UNC5C: variants seen among roughly 807,000 people sequenced by gnomAD.
UNC5C encodes unc-5 netrin receptor C.
A neutral mutation model predicts 99.8 loss-of-function variants in UNC5C; 47 were observed. That is an observed-to-expected ratio of 0.47 (90% CI 0.37 to 0.60). The LOEUF is 0.60. UNC5C is among the 20% of genes least tolerant of loss of function. UNC5C has a pLI of 0.00. For missense variants in UNC5C, 1,062 were observed against 1,165.9 expected, an observed-to-expected ratio of 0.91 and a Z score of 1.30; for synonymous variants, 487 against 452.2, an observed-to-expected ratio of 1.08 and a Z score of -0.98.
intron 1 of UNC5C, among the ~76,000 whole-genome samples, chr4:95,427,608 A>G (rs1457650978): frequency 2.6e-5 from 4 of 152,210 alleles, no homozygotes; most frequent in African/African-American, 9.6e-5. Context: ...CTTTCTAGCA[A>G]TAAAGTTTTT....
chr4:95,272,702 A>G (rs1329711635), intron 4 of UNC5C, among the ~76,000 whole-genome samples: 1 of 152,200 alleles, frequency 6.6e-6, no homozygotes, highest in African/African-American at 2.4e-5. Context: ...ATCATAACCA[A>G]AACTCTGTCT....
intron 1 of UNC5C, among the ~76,000 whole-genome samples, chr4:95,372,596 C>T (rs550273688): frequency 2.0e-5 from 3 of 152,212 alleles, no homozygotes; most frequent in African/African-American, 7.2e-5. Flanking sequence ...GATTTAACAT[C>T]CTGATTTTTA....
intron 7 of UNC5C, among the ~76,000 whole-genome samples, chr4:95,238,863 A>T (rs1296013666): frequency 6.6e-6 from 1 of 152,170 alleles, no homozygotes; most frequent in African/African-American, 2.4e-5. Context: ...AATTTCAATC[A>T]TTATGCCTTC....
At chr4:95,447,052 T>G (rs1747127017) in intron 1 of UNC5C, among the ~76,000 whole-genome samples, 2 of 152,180 alleles carry the variant, frequency 1.3e-5, no homozygotes. Flanking sequence ...TCATAATACT[T>G]GGAGTTATAG....
intron 1 of UNC5C, among the ~76,000 whole-genome samples, chr4:95,507,272 A>G (rs1402541711): frequency 1.3e-5 from 2 of 152,044 alleles, no homozygotes; most frequent in Non-Finnish European, 2.9e-5. Flanking sequence ...TAAACTGACC[A>G]GAAAAAATGA....
Position 95,170,167 on chromosome 4 carries a change from G to A in UNC5C, c.2617C>T (p.Leu873=), listed in dbSNP as rs373746155. ...GHDWRMLAHK[L]NLDRYLNYFA... The stretch of plus-strand genomic sequence containing the variant: ...GACCATACCCACCTGTCCAGGTTCA[G>A]CTTATGGGCCAGCATCCTCCAGTCA... Residue 873 remains leucine (L), a synonymous_variant, in exon 15 of 16, where the codon CTG becomes TTG. Coordinates refer to ENST00000453304, the MANE Select transcript of UNC5C (RefSeq NM_003728.4). 9.0e-5 allele frequency: 145 copies of A among 1,613,996 alleles called. No individual in the cohort carries two copies. Among genetic ancestry groups the A allele is most frequent in the Non-Finnish European group, 1.2e-4 (141 of 1,180,012 alleles).
intron 1 of UNC5C, among the ~76,000 whole-genome samples, chr4:95,502,909 A>T (rs1721813406): frequency 2.6e-5 from 4 of 152,146 alleles, no homozygotes; most frequent in African/African-American, 9.6e-5. Context: ...TATTCAAATG[A>T]TGTTATCCTG....
chr4:95,209,208 T>C (rs1303748426), intron 10 of UNC5C, among the ~76,000 whole-genome samples: 6 of 152,174 alleles, frequency 3.9e-5, no homozygotes, highest in African/African-American at 1.4e-4. Context: ...ACAAACATGA[T>C]GGTACTCTGT....
In UNC5C at chr4:95,242,599, A is replaced by G. The variant is rs1189717062; in HGVS notation, c.944-6T>C. On this transcript the variant is annotated splice_region_variant and splice_polypyrimidine_tract_variant and intron_variant, in intron 6 of 15. Transcript: ENST00000453304. ...TGGCGTCCACCTGCCATCCACTGCC[A>G]TGGAAAAAATGCAGCAGGAGGTCAG... 10 of 1,559,292 alleles carry G rather than the reference A, an allele frequency of 6.4e-6. No individual in the cohort carries two copies. Among genetic ancestry groups the G allele is most frequent in the Non-Finnish European group, 7.8e-6 (9 of 1,149,776 alleles).
At chr4:95,451,791 T>C (rs570823589) in intron 1 of UNC5C, among the ~76,000 whole-genome samples, 25 of 152,284 alleles carry the variant, frequency 1.6e-4, no homozygotes, top group African/African-American at 5.8e-4. Context: ...TAATAAACAT[T>C]ATAACAAATG....
chr4:95,329,752 T>C (rs1743040746), intron 2 of UNC5C, among the ~76,000 whole-genome samples: 1 of 152,230 alleles, frequency 6.6e-6, no homozygotes, highest in Admixed American at 6.5e-5. Context: ...AACTAGTTTT[T>C]AAATCTGTCT....
chr4:95,527,765 A>G (rs1340308399), intron 1 of UNC5C, among the ~76,000 whole-genome samples: 1 of 152,164 alleles, frequency 6.6e-6, no homozygotes, highest in Non-Finnish European at 1.5e-5. Flanking sequence ...TTAATCTAGA[A>G]TATGAAGTTT....
chr4:95,293,292 G>A (rs1741550474), intron 3 of UNC5C, among the ~76,000 whole-genome samples: 1 of 132,018 alleles, frequency 7.6e-6, no homozygotes, highest in Admixed American at 7.6e-5. Context: ...AAATAATAGT[G>A]AGCTTTTTTT....
At chr4:95,348,032 G>A (rs544316417) in intron 1 of UNC5C, among the ~76,000 whole-genome samples, 60 of 152,138 alleles carry the variant, frequency 3.9e-4, no homozygotes, top group Admixed American at 2.8e-3. Flanking sequence ...TTAGTAACTA[G>A]AAGAGATAGG....
Position 95,470,069 on chromosome 4 carries a change from A to G in UNC5C, c.124+78665T>C, listed in dbSNP as rs544911838. On this transcript the variant is annotated intron_variant, in intron 1 of 15. Coordinates refer to ENST00000453304, the MANE Select transcript of UNC5C (RefSeq NM_003728.4). ...GCAAATAGTACTATGCACAGACTGT[A>G]TTTGTGCACATAAGTTTTGATATAT... Among the ~76,000 whole-genome samples the G allele has an allele frequency of 8.1e-4, 124 of 152,214 alleles. 1 individual carries two copies. In the South Asian group the frequency reaches 0.024, roughly 29 times the overall value.
chr4:95,484,564 C>A (rs183378606), intron 1 of UNC5C, among the ~76,000 whole-genome samples: 1 of 151,940 alleles, frequency 6.6e-6, no homozygotes, highest in African/African-American at 2.4e-5. Flanking sequence ...TTCTTCCCTG[C>A]TGCTTCAACT....
In UNC5C at chr4:95,295,740, A is replaced by G. The variant is rs79123096; in HGVS notation, c.490+5866T>C. 4.6e-3 allele frequency among the ~76,000 whole-genome samples: 695 copies of G among 152,320 alleles called. 2 individuals are homozygous for G. Among genetic ancestry groups the G allele is most frequent in the Non-Finnish European group, 8.4e-3 (571 of 68,016 alleles). On this transcript the variant is annotated intron_variant, in intron 3 of 15. Transcript: ENST00000453304. ...GCCATTTATGTGATGGCCCTCGGTCAAGTATTACTGGGCAGAGCACCACAG... is the reference window on the plus strand; with the variant it reads ...GCCATTTATGTGATGGCCCTCGGTCGAGTATTACTGGGCAGAGCACCACAG...
chr4:95,528,538 G>A (rs1722555351), intron 1 of UNC5C, among the ~76,000 whole-genome samples: 1 of 152,148 alleles, frequency 6.6e-6, no homozygotes, highest in Admixed American at 6.6e-5. Context: ...GACAACAAAT[G>A]TGCACAACTT....
At chr4:95,198,647 G>A (rs550574819) in intron 12 of UNC5C, among the ~76,000 whole-genome samples, 3 of 152,232 alleles carry the variant, frequency 2.0e-5, no homozygotes, top group Non-Finnish European at 4.4e-5. Context: ...ATGAGTAGAA[G>A]TAGAACCATC....
Sources: allele counts gnomAD v4.1 joint callset (sites outside exome capture counted in the v4.1 genomes callset), GRCh38; gene constraint gnomAD v4.1.1; transcripts MANE v1.5; gene names NCBI Gene and HGNC (gene_info 2026-07-23, HGNC 2026-07-21).